The following SPAG16 variants were observed in gnomAD, a reference collection of about 807,000 sequenced individuals.
The protein encoded by SPAG16 is sperm associated antigen 16.
SPAG16 carries 86 observed loss-of-function variants against 80.4 expected under a neutral mutation model. The ratio of observed to expected loss-of-function variants is 1.07; its 90% CI spans 0.90 to 1.28. The LOEUF (loss-of-function observed/expected upper bound fraction) is 1.28, where lower values mean the gene tolerates loss of function less well. SPAG16 is among the 50% of genes most tolerant of loss of function. The pLI is 0.00. For missense variants in SPAG16, 870 were observed against 765.3 expected, an observed-to-expected ratio of 1.14 and a Z score of -1.61; for synonymous variants, 294 against 265.9, an observed-to-expected ratio of 1.11 and a Z score of -1.03.
In SPAG16 at chr2:213,535,978, C is replaced by A. The variant is rs112803203; in HGVS notation, c.1070+45888C>A. On this transcript the variant is annotated intron_variant, in intron 10 of 15. Coordinates refer to ENST00000331683, the MANE Select transcript of SPAG16 (RefSeq NM_024532.5). ...TTTAAGAAATTTTAAAGGAAATTTA[C>A]AATTAAATGTTAAAGGAAATTTAAA... Among the ~76,000 whole-genome samples, 119 of 152,048 alleles carry A rather than the reference C, an allele frequency of 7.8e-4. 2 individuals carry two copies. The highest frequency in any genetic ancestry group is 3.4e-3 in the Middle Eastern group (1 of 294).
chr2:213,727,097 T>C (rs2125410617), intron 10 of SPAG16, among the ~76,000 whole-genome samples: 1 of 152,326 alleles, frequency 6.6e-6, no homozygotes, highest in South Asian at 2.1e-4. Flanking sequence ...ATAATGAATA[T>C]ACATTGAAAT....
intron 13 of SPAG16, among the ~76,000 whole-genome samples, chr2:214,085,264 C>T (rs1268003344): frequency 6.6e-6 from 1 of 151,484 alleles, no homozygotes; most frequent in South Asian, 2.1e-4. Flanking sequence ...CCCAGCTGCT[C>T]GAGAGGCTGA....
At chr2:214,389,101 A>AAATG (rs1240086476) in intron 15 of SPAG16, among the ~76,000 whole-genome samples, 1 of 152,234 alleles carries the variant, frequency 6.6e-6, no homozygotes, top group Non-Finnish European at 1.5e-5. Context: ...GACAAACATA[A>AAATG]AATGAATACA....
chr2:213,386,890 A>G (rs1417671551), intron 9 of SPAG16, among the ~76,000 whole-genome samples: 2 of 152,204 alleles, frequency 1.3e-5, no homozygotes, highest in Non-Finnish European at 2.9e-5. Context: ...AATATATTTT[A>G]TCCTAAAGGA....
rs115121000 is a variant in SPAG16, at chr2:213,457,060, A to G, written c.943-32903A>G. ...TTTTCCCTTTCATTATTCATCTGCC[A>G]AAGAGCATAGCTACTTTTCTTTTGG... On this transcript the variant is annotated intron_variant, in intron 9 of 15. Transcript: ENST00000331683. 4.3e-3 allele frequency among the ~76,000 whole-genome samples: 656 copies of G among 152,078 alleles called. 3 individuals carry two copies. Among genetic ancestry groups the G allele is most frequent in the Non-Finnish European group, 7.2e-3 (490 of 67,994 alleles).
rs564962571 is a variant in SPAG16, at chr2:213,584,256, G to A, written c.1070+94166G>A. ...AAGCATGGCTAAATGTACTCTTATC[G>A]TTTTTAAAATGTCTTGAATGAGGCC... On this transcript the variant is annotated intron_variant, in intron 10 of 15. Coordinates refer to ENST00000331683, the MANE Select transcript of SPAG16 (RefSeq NM_024532.5). Among the ~76,000 whole-genome samples, 13 of 151,632 alleles carry A rather than the reference G, an allele frequency of 8.6e-5. No individual in the cohort carries two copies. In the South Asian group the frequency reaches 1.9e-3, roughly 22 times the overall value.
At chr2:213,947,854 A>G (rs2079543266) in intron 12 of SPAG16, among the ~76,000 whole-genome samples, 1 of 152,102 alleles carries the variant, frequency 6.6e-6, no homozygotes, top group African/African-American at 2.4e-5. Flanking sequence ...CCGTATAGTA[A>G]GTCTTAAAAT....
intron 15 of SPAG16, among the ~76,000 whole-genome samples, chr2:214,329,147 G>T (rs1158621002): frequency 2.6e-5 from 4 of 152,232 alleles, no homozygotes; most frequent in Admixed American, 6.5e-5. Flanking sequence ...GAGCTGCTCA[G>T]AGAACAAAGC....
intron 15 of SPAG16, among the ~76,000 whole-genome samples, chr2:214,303,830 T>G (rs1424405163): frequency 6.6e-6 from 1 of 152,226 alleles, no homozygotes; most frequent in Non-Finnish European, 1.5e-5. Flanking sequence ...AATTTTTCTC[T>G]TACTGAATTA....
At chr2:213,436,306 G>C (rs2070636012) in intron 9 of SPAG16, among the ~76,000 whole-genome samples, 1 of 152,168 alleles carries the variant, frequency 6.6e-6, no homozygotes. Context: ...ATTGGGTAGA[G>C]TGGGATGATG....
intron 9 of SPAG16, among the ~76,000 whole-genome samples, chr2:213,474,190 G>T (rs113289542): frequency 0.011 from 1,625 of 152,222 alleles, 20 homozygotes; most frequent in African/African-American, 0.036. Flanking sequence ...CAAGTTGCAG[G>T]GTCCCATTCT....
intron 10 of SPAG16, among the ~76,000 whole-genome samples, chr2:213,619,924 A>G (rs1559315950): frequency 2.0e-5 from 3 of 152,198 alleles, no homozygotes; most frequent in South Asian, 4.1e-4. Flanking sequence ...ATGTCCATCA[A>G]CGGATGAATG....
chr2:213,307,673 T>C (rs1029861211), intron 3 of SPAG16, among the ~76,000 whole-genome samples: 3 of 152,052 alleles, frequency 2.0e-5, no homozygotes, highest in African/African-American at 7.2e-5. Flanking sequence ...CATAGCAGCA[T>C]GATTTATAGT....
At chr2:213,734,262 G>A (rs1467443693) in intron 10 of SPAG16, among the ~76,000 whole-genome samples, 1 of 152,168 alleles carries the variant, frequency 6.6e-6, no homozygotes, top group Non-Finnish European at 1.5e-5. Context: ...ATGCTAGATG[G>A]AAACTGCCAT....
chr2:214,234,082 C>G (rs1028494288), intron 15 of SPAG16, among the ~76,000 whole-genome samples: 7 of 151,802 alleles, frequency 4.6e-5, no homozygotes, highest in Non-Finnish European at 7.4e-5. Flanking sequence ...TTTCCCCCCC[C>G]ATGTGTCCAT....
intron 5 of SPAG16, among the ~76,000 whole-genome samples, chr2:213,321,808 C>G (rs1417979212): frequency 6.6e-6 from 1 of 152,016 alleles, no homozygotes; most frequent in Non-Finnish European, 1.5e-5. Flanking sequence ...AGAAAATGAT[C>G]TTATTAAAAA....
intron 15 of SPAG16, among the ~76,000 whole-genome samples, chr2:214,308,909 T>C (rs1402449375): frequency 6.6e-6 from 1 of 152,148 alleles, no homozygotes; most frequent in Admixed American, 6.5e-5. Flanking sequence ...GTTCTCTGCG[T>C]TTCCTGAATT....
chr2:214,252,451 C>T (rs1291666620), intron 15 of SPAG16, among the ~76,000 whole-genome samples: 1 of 151,820 alleles, frequency 6.6e-6, no homozygotes, highest in Non-Finnish European at 1.5e-5. Context: ...CCCTAGCCCC[C>T]CACCCCACGA....
chr2:214,178,989 A>T (rs2057223030), intron 15 of SPAG16, among the ~76,000 whole-genome samples: 1 of 151,402 alleles, frequency 6.6e-6, no homozygotes, highest in Admixed American at 6.6e-5. Context: ...TTTGCAAACT[A>T]AGATGACCCA....
Sources: allele counts gnomAD v4.1 joint callset (sites outside exome capture counted in the v4.1 genomes callset), GRCh38; gene constraint gnomAD v4.1.1; transcripts MANE v1.5; gene names NCBI Gene and HGNC (gene_info 2026-07-23, HGNC 2026-07-21).